Variants in LHFPL3 observed in about 807,000 individuals in gnomAD.
LHFPL3 encodes LHFPL tetraspan subfamily member 3 protein.
In LHFPL3, 5 loss-of-function variants were observed where a neutral mutation model predicts 19.3. The ratio of observed to expected loss-of-function variants is 0.26; its 90% confidence interval spans 0.14 to 0.54. LHFPL3 has a LOEUF of 0.54. Among genes scored for constraint, LHFPL3 ranks in the 20% least tolerant of loss-of-function variants. The pLI is 0.94. For synonymous variants in LHFPL3, 133 were observed against 126.2 expected (o/e 1.05, Z -0.36); for missense variants, 249 against 307.4 (o/e 0.81, Z 1.42).
intron 1 of LHFPL3, among the ~76,000 whole-genome samples, chr7:104,659,559 A>T (rs1792184903): frequency 6.6e-6 from 1 of 152,150 alleles, no homozygotes; most frequent in South Asian, 2.1e-4. Context: ...CCCTAAATAC[A>T]CAGTGATGGG....
intron 2 of LHFPL3, among the ~76,000 whole-genome samples, chr7:104,896,991 C>T (rs1053710640): frequency 6.6e-5 from 10 of 151,240 alleles, no homozygotes; most frequent in Non-Finnish European, 1.5e-4. Context: ...GAGGCTGAGG[C>T]AGGAGAATCA....
At chr7:104,665,204 G>A (rs948282379) in intron 1 of LHFPL3, among the ~76,000 whole-genome samples, 1 of 152,082 alleles carries the variant, frequency 6.6e-6, no homozygotes, top group Non-Finnish European at 1.5e-5. Context: ...ATGGAAACAT[G>A]TTTGTTATCT....
At chr7:104,629,213 C>T (rs1791598916) in intron 1 of LHFPL3, among the ~76,000 whole-genome samples, 1 of 152,164 alleles carries the variant, frequency 6.6e-6, no homozygotes, top group African/African-American at 2.4e-5. Flanking sequence ...CTCTCTCACT[C>T]ACTGTCCCTT....
At chr7:104,884,545 T>C (rs1042099398) in intron 2 of LHFPL3, among the ~76,000 whole-genome samples, 11 of 148,896 alleles carry the variant, frequency 7.4e-5, no homozygotes, top group African/African-American at 2.7e-4. Context: ...AGACTTCTGA[T>C]ATAGTCTTAG....
intron 1 of LHFPL3, among the ~76,000 whole-genome samples, chr7:104,591,331 A>G (rs1455956278): frequency 1.3e-5 from 2 of 152,150 alleles, no homozygotes; most frequent in Non-Finnish European, 2.9e-5. Context: ...GTCTCTCAGC[A>G]TTTGTATGTC....
intron 1 of LHFPL3, among the ~76,000 whole-genome samples, chr7:104,620,835 T>G (rs1213915086): frequency 6.6e-6 from 1 of 152,228 alleles, no homozygotes; most frequent in Non-Finnish European, 1.5e-5. Context: ...GCTGGACTGA[T>G]AGCCAGAGTG....
At chr7:104,864,252 GTTGGAA>G (rs1791673397) in intron 2 of LHFPL3, among the ~76,000 whole-genome samples, 1 of 152,202 alleles carries the variant, frequency 6.6e-6, no homozygotes, top group Admixed American at 6.5e-5. Context: ...ACTGGGGAGT[GTTGGAA>G]AGTGGGTGCA....
At chr7:104,584,208 A>C (rs1162163270) in intron 1 of LHFPL3, among the ~76,000 whole-genome samples, 1 of 152,122 alleles carries the variant, frequency 6.6e-6, no homozygotes, top group Non-Finnish European at 1.5e-5. Flanking sequence ...TATCGCAAGG[A>C]CAAAAAACCA....
intron 2 of LHFPL3, among the ~76,000 whole-genome samples, chr7:104,836,301 T>TCTAA (rs889155614): frequency 2.0e-5 from 3 of 152,148 alleles, no homozygotes; most frequent in African/African-American, 7.2e-5. Context: ...TGGATTTTAC[T>TCTAA]CTAACTGTGA....
chr7:104,599,218 A>G (rs1032158242), intron 1 of LHFPL3, among the ~76,000 whole-genome samples: 1 of 152,230 alleles, frequency 6.6e-6, no homozygotes, highest in African/African-American at 2.4e-5. Flanking sequence ...ATTCCTATAG[A>G]TTGATTTCTA....
At chr7:104,541,145 C>CACACACAT (rs1554405262) in intron 1 of LHFPL3, among the ~76,000 whole-genome samples, 1 of 145,828 alleles carries the variant, frequency 6.9e-6, no homozygotes, top group Admixed American at 6.8e-5. Flanking sequence ...CACACACACA[C>CACACACAT]ACAACCCTGT....
chr7:104,674,807 G>T (rs1562963228), intron 1 of LHFPL3, among the ~76,000 whole-genome samples: 1 of 152,114 alleles, frequency 6.6e-6, no homozygotes, highest in Non-Finnish European at 1.5e-5. Flanking sequence ...AAAATTAGAA[G>T]AAAATATTTC....
intron 2 of LHFPL3, among the ~76,000 whole-genome samples, chr7:104,843,885 A>G (rs1222974702): frequency 1.3e-5 from 2 of 152,222 alleles, no homozygotes; most frequent in African/African-American, 2.4e-5. Flanking sequence ...TTTAAATAAG[A>G]TCTGTCTCAA....
intron 2 of LHFPL3, among the ~76,000 whole-genome samples, chr7:104,777,606 G>A (rs2116413839): frequency 6.6e-6 from 1 of 152,292 alleles, no homozygotes; most frequent in African/African-American, 2.4e-5. Flanking sequence ...AATCCCCAAA[G>A]GCAACCTTCC....
Position 104,563,054 on chromosome 7 carries a change from T to C in LHFPL3, c.446-173621T>C, listed in dbSNP as rs1584403915. ...GTCTGCCCATTCTCAGATCTCCAGC[T>C]GCGTGCTGGGAGAACCACTGCTCTC... On this transcript the variant is annotated intron_variant, in intron 1 of 2. Coordinates refer to ENST00000424859, the MANE Select transcript of LHFPL3 (RefSeq NM_199000.3). Among the ~76,000 whole-genome samples the C allele has an allele frequency of 4.6e-5, 7 of 152,280 alleles. No individual in the cohort carries two copies. In the East Asian group the frequency reaches 1.4e-3, roughly 29 times the overall value.
intron 1 of LHFPL3, among the ~76,000 whole-genome samples, chr7:104,491,496 A>T (rs1036909991): frequency 2.0e-5 from 3 of 151,960 alleles, no homozygotes; most frequent in African/African-American, 7.2e-5. Flanking sequence ...TTATAGGTGG[A>T]AGAGGGAGGG....
chr7:104,849,103 G>GTACTT (rs1791368070), intron 2 of LHFPL3, among the ~76,000 whole-genome samples: 2 of 152,026 alleles, frequency 1.3e-5, no homozygotes. Flanking sequence ...GCTAATTTTT[G>GTACTT]TACTTTTAGT....
chr7:104,702,817 C>G (rs928706375), intron 1 of LHFPL3, among the ~76,000 whole-genome samples: 13 of 152,098 alleles, frequency 8.5e-5, no homozygotes, highest in African/African-American at 3.1e-4. Context: ...CCTCTTTCTC[C>G]CTGGCGCCTT....
At chr7:104,874,478 TC>T (rs1242897945) in intron 2 of LHFPL3, among the ~76,000 whole-genome samples, 1 of 148,496 alleles carries the variant, frequency 6.7e-6, no homozygotes, top group Non-Finnish European at 1.5e-5. Flanking sequence ...CACTGCAACC[TC>T]CGTCTCCACG....
Sources: allele counts gnomAD v4.1 joint callset (sites outside exome capture counted in the v4.1 genomes callset), GRCh38; gene constraint gnomAD v4.1.1; transcripts MANE v1.5; gene names NCBI Gene and HGNC (gene_info 2026-07-23, HGNC 2026-07-21).